The following EPHB3 variants were observed in gnomAD, a reference collection of about 807,000 sequenced individuals.
EPHB3 encodes EPH receptor B3, also known as ephrin type-B receptor 3.
Under a neutral mutation model 100.2 loss-of-function variants are expected in EPHB3, and 33 were observed. The ratio of observed to expected loss-of-function variants is 0.33; its 90% confidence interval spans 0.25 to 0.44. The LOEUF is 0.44. Ranked by LOEUF, EPHB3 falls within the 20% of genes least tolerant of loss-of-function variation. The pLI is 1.00. For missense variants in EPHB3, 1,045 were observed against 1,378.3 expected, an observed-to-expected ratio of 0.76 and a Z score of 3.83; for synonymous variants, 526 against 554.7, an observed-to-expected ratio of 0.95 and a Z score of 0.73.
At position 184,565,376 on chromosome 3, in the gene EPHB3, G is replaced by C. The variant is rs1179630461; in HGVS notation, c.118+3023G>C. 6.6e-6 allele frequency among the ~76,000 whole-genome samples: 1 copy of C among 152,216 alleles called. No individual in the cohort carries two copies. ...AGGGGGTGGGGTCCAATGGGGAACA[G>C]ACTAGGAATGGGGCCTGAGATGAGG... On this transcript the variant is annotated intron_variant, in intron 1 of 15. Transcript: ENST00000330394. The surrounding 1 kb of genome is among the most constrained non-coding windows in gnomAD (Gnocchi z 4.8).
In EPHB3 at chr3:184,562,258, C is replaced by T. The variant is rs1400881855; in HGVS notation, c.23C>T (p.Pro8Leu). The T allele has an allele frequency of 7.1e-6, 8 of 1,127,318 alleles. No individual in the cohort carries two copies. The highest frequency in any genetic ancestry group is 3.3e-5 in the African/African-American group (2 of 60,778). 69.8% of individuals were successfully genotyped at this position (1,127,318 alleles called of 1,614,324 possible). The change falls in exon 1 of 16, where the codon CCG becomes CTG. Residue 8 changes from proline (P) to leucine (L), a missense_variant. Pro to Leu is a moderately conservative substitution (Grantham distance 98). Transcript: ENST00000330394. The surrounding 1 kb of genome is among the most constrained non-coding windows in gnomAD (Gnocchi z 4.8). MARARPP[P>L]PPSPPPGLLP... ...GCCATGGCCAGAGCCCGCCCGCCGCCGCCGCCGTCGCCGCCGCCGGGGCTT... is the reference window on the plus strand; with the variant it reads ...GCCATGGCCAGAGCCCGCCCGCCGCTGCCGCCGTCGCCGCCGCCGGGGCTT...
Position 184,573,363 on chromosome 3 carries a change from G to A in EPHB3, c.856+187G>A, listed in dbSNP as rs1166670046. On this transcript the variant is annotated intron_variant, in intron 3 of 15. Coordinates refer to ENST00000330394, the MANE Select transcript of EPHB3 (RefSeq NM_004443.4). The surrounding 1 kb of genome is among the most constrained non-coding windows in gnomAD (Gnocchi z 4.5). ...GTTGTGTAAGGAGGGAGAAGAGAGAGAAAATGAGGAGAGACACAAGGATAG... is the reference window on the plus strand; with the variant it reads ...GTTGTGTAAGGAGGGAGAAGAGAGAAAAAATGAGGAGAGACACAAGGATAG... 6.6e-6 allele frequency among the ~76,000 whole-genome samples: 1 copy of A among 152,136 alleles called. No homozygotes were observed. Among genetic ancestry groups the A allele is most frequent in the Non-Finnish European group, 1.5e-5 (1 of 68,026 alleles).
chr3:184,578,079 C>A lies in EPHB3; in HGVS notation c.1748+73C>A. The A allele has an allele frequency of 6.6e-7, 1 of 1,504,476 alleles. No individual in the cohort carries two copies. The highest frequency in any genetic ancestry group is 9.1e-7 in the Non-Finnish European group (1 of 1,103,698). 93.2% of individuals were successfully genotyped at this position (1,504,476 alleles called of 1,614,324 possible). ...TTAGCATCCTAGAGCCCTCATGCCACAGAGATGAGCCGCCACCACTTCCCT... is the reference window on the plus strand; with the variant it reads ...TTAGCATCCTAGAGCCCTCATGCCAAAGAGATGAGCCGCCACCACTTCCCT... On this transcript the variant is annotated intron_variant, in intron 8 of 15. Transcript: ENST00000330394. This position sits in a 1 kb window ranked among gnomAD's most constrained non-coding sequence, Gnocchi z 4.7.
At position 184,576,900 on chromosome 3, in the gene EPHB3, C is replaced by T. The variant is rs752450110; in HGVS notation, c.1071C>T (p.Leu357=). 43 of 1,582,600 alleles carry T rather than the reference C, an allele frequency of 2.7e-5. No homozygotes were observed. The South Asian group carries it at 4.0e-4, about 15-fold the overall frequency. The change falls in exon 5 of 16, where the codon CTC becomes CTT. Residue 357 remains leucine (L), a synonymous_variant. Transcript: ENST00000330394. ...ISNVNETSLI[L]EWSEPRDLGG... ...ATGTGAATGAAACCTCACTGATCCTCGAGTGGAGTGAGCCCCGGGACCTGG... is the reference window on the plus strand; with the variant it reads ...ATGTGAATGAAACCTCACTGATCCTTGAGTGGAGTGAGCCCCGGGACCTGG...
intron 3 of EPHB3, 54 bp from the exon 4 acceptor site, chr3:184,575,776 C>T (rs7640497): frequency 0.31 from 469,982 of 1,518,896 alleles, 76,117 homozygotes; most frequent in African/African-American, 0.51. Context: ...CTGCGGAGGT[C>T]TGGTGTCTGC....
chr3:184,579,514 C>T lies in EPHB3; in HGVS notation c.1839C>T (p.Thr613=). ...TGAAGGTTTATATTGACCCTTTTAC[C>T]TACGAGGACCCTAATGAGGCTGTTC... is the stretch of plus-strand genomic sequence containing the variant. ...PGMKVYIDPF[T]YEDPNEAVRE... The change falls in exon 10 of 16, where the codon ACC becomes ACT. Residue 613 remains threonine (T), a synonymous_variant. Transcript: ENST00000330394. This position sits in a 1 kb window ranked among gnomAD's most constrained non-coding sequence, Gnocchi z 5.2. 2 of 1,614,028 alleles carry T rather than the reference C, an allele frequency of 1.2e-6. No homozygotes were observed. The highest frequency in any genetic ancestry group is 8.5e-7 in the Non-Finnish European group (1 of 1,179,988).
Position 184,575,952 on chromosome 3 carries a change from G to A in EPHB3, c.979G>A (p.Ala327Thr). Reference sequence around the variant, plus strand: ...CACCTGCCACAATAACTTCTACCGTGCAGACTCGGACTCTGCGGACAGTGC... The same window carrying A: ...CACCTGCCACAATAACTTCTACCGTACAGACTCGGACTCTGCGGACAGTGC... ...ICTCHNNFYR[A>T]DSDSADSACT... Residue 327 changes from alanine (A) to threonine (T), a missense_variant, in exon 4 of 16, where the codon GCA becomes ACA. By Grantham distance (58) the Ala-to-Thr change is moderately conservative. Around this residue, in one of 2 missense-constraint regions of EPHB3, gnomAD observed 985 missense variants for 1,331.1 expected, o/e 0.74. Transcript: ENST00000330394. The A allele has an allele frequency of 6.2e-7, 1 of 1,613,658 alleles. No homozygotes were observed. Among genetic ancestry groups the A allele is most frequent in the South Asian group, 1.1e-5 (1 of 91,024 alleles).
chr3:184,573,168 A>G lies in EPHB3; in HGVS notation c.848A>G (p.Gln283Arg). The stretch of plus-strand genomic sequence containing the variant: ...CATGAGCCAGCTGCCAAGGAGTCCC[A>G]GTGCCGCCGTGAGTGGGGACTGTCC... ...TGHEPAAKES[Q>R]CRPCPPGSYK... Residue 283 changes from glutamine to arginine, a missense_variant, in exon 3 of 16, where the codon CAG becomes CGG. Around this residue, in one of 2 missense-constraint regions of EPHB3, gnomAD observed 985 missense variants for 1,331.1 expected, o/e 0.74. Coordinates refer to ENST00000330394, the MANE Select transcript of EPHB3 (RefSeq NM_004443.4). This position sits in a 1 kb window ranked among gnomAD's most constrained non-coding sequence, Gnocchi z 4.5. The G allele has an allele frequency of 1.9e-6, 3 of 1,611,950 alleles. No individual in the cohort carries two copies. The highest frequency in any genetic ancestry group is 2.5e-6 in the Non-Finnish European group (3 of 1,180,002).
In EPHB3 at chr3:184,564,530, T is replaced by A. The variant is rs1300087555; in HGVS notation, c.118+2177T>A. ...GCAAAGTGCTTAGCATAGGCATTGT[T>A]ATTCAAGGATTAGCTGTTATTATTA... On this transcript the variant is annotated intron_variant, in intron 1 of 15. Transcript: ENST00000330394. Among the ~76,000 whole-genome samples, 14 of 152,228 alleles carry A rather than the reference T, an allele frequency of 9.2e-5. 1 individual carries two copies. The highest frequency in any genetic ancestry group is 8.5e-4 in the Admixed American group (13 of 15,286).
chr3:184,573,156 C>T lies in EPHB3; in HGVS notation c.836C>T (p.Ala279Val). ...TGTGCCACCGGCCATGAGCCAGCTG[C>T]CAAGGAGTCCCAGTGCCGCCGTGAG... ...CTCATGHEPA[A>V]KESQCRPCPP... The change falls in exon 3 of 16, where the codon GCC (alanine) becomes GTC (valine). Residue 279 changes from alanine to valine, a missense_variant. By Grantham distance (64) the Ala-to-Val change is moderately conservative. Transcript: ENST00000330394. The surrounding 1 kb of genome is among the most constrained non-coding windows in gnomAD (Gnocchi z 4.5). The T allele has an allele frequency of 6.2e-7, 1 of 1,612,348 alleles. No homozygotes were observed. The highest frequency in any genetic ancestry group is 8.5e-7 in the Non-Finnish European group (1 of 1,180,018).
chr3:184,566,731 C>T (rs1053236973), intron 1 of EPHB3, among the ~76,000 whole-genome samples: 1 of 152,262 alleles, frequency 6.6e-6, no homozygotes, highest in African/African-American at 2.4e-5. Context: ...TGCCCCGCTG[C>T]ACACTCTGCG....
In EPHB3 at chr3:184,562,362, C is replaced by G; in HGVS notation, c.118+9C>G. 1 of 1,220,674 alleles carries G rather than the reference C, an allele frequency of 8.2e-7. No homozygotes were observed. The highest frequency in any genetic ancestry group is 1.0e-6 in the Non-Finnish European group (1 of 982,286). The allele number at this position is 1,220,674 out of a possible 1,614,324, so 75.6% of individuals were successfully genotyped here. A position where few individuals can be genotyped will look rare whatever the true frequency, so the allele number is the denominator to read the frequency against. ...CTGCCGGGCGCTGGAAGGTGAGCGG[C>G]GTCGGGGGGCGCGCCCGGGAACAAG... is the stretch of plus-strand genomic sequence containing the variant. On this transcript the variant is annotated intron_variant, in intron 1 of 15. Transcript: ENST00000330394. The surrounding 1 kb of genome is among the most constrained non-coding windows in gnomAD (Gnocchi z 4.8).
rs964094229 is a variant in EPHB3, at chr3:184,580,793, C to T, written c.2453C>T (p.Ala818Val). The change falls in exon 13 of 16, where the codon GCT (alanine) becomes GTT (valine). Residue 818 changes from alanine to valine, a missense_variant. Around this residue, in one of 2 missense-constraint regions of EPHB3, gnomAD observed 985 missense variants for 1,331.1 expected, o/e 0.74. Transcript: ENST00000330394. ...EAIAYRKFTS[A>V]SDVWSYGIVM... ...ATAGCCTATCGGAAGTTCACTTCTG[C>T]TAGTGATGTCTGGAGCTACGGAATT... 4 of 1,614,070 alleles carry T rather than the reference C, an allele frequency of 2.5e-6. No individual in the cohort carries two copies. The highest frequency in any genetic ancestry group is 2.2e-5 in the East Asian group (1 of 44,892).
At chr3:184,576,314 A>G (rs1714676211) in intron 4 of EPHB3, among the ~76,000 whole-genome samples, 1 of 151,470 alleles carries the variant, frequency 6.6e-6, no homozygotes, top group Non-Finnish European at 1.5e-5. Context: ...TTGGCCTTCT[A>G]GTCCGTTGCC....
At position 184,562,199 on chromosome 3, in the gene EPHB3, G is replaced by A; in HGVS notation, c.-37G>A. ...CAGCCCCGCCGGCGCGGCCCGGCCC[G>A]GCGCGGCCCGGCTCGGCTCCTAGAG... On this transcript the variant is annotated 5_prime_UTR_variant, in exon 1 of 16. Coordinates refer to ENST00000330394, the MANE Select transcript of EPHB3 (RefSeq NM_004443.4). This position sits in a 1 kb window ranked among gnomAD's most constrained non-coding sequence, Gnocchi z 4.8. 1 of 513,272 alleles carries A rather than the reference G, an allele frequency of 1.9e-6. No homozygotes were observed. The highest frequency in any genetic ancestry group is 2.6e-6 in the Non-Finnish European group (1 of 385,596). The allele number at this position is 513,272 out of a possible 1,614,324, so 31.8% of individuals were successfully genotyped here.
Position 184,569,179 on chromosome 3 carries a change from G to C in EPHB3, c.119-2139G>C, listed in dbSNP as rs1714474960. ...GAGGGAGCGGCTGGAGCCCCGGCCT[G>C]CTCCGGCGGGCGGACCGGCGGGCGG... On this transcript the variant is annotated intron_variant, in intron 1 of 15. Coordinates refer to ENST00000330394, the MANE Select transcript of EPHB3 (RefSeq NM_004443.4). This position sits in a 1 kb window ranked among gnomAD's most constrained non-coding sequence, Gnocchi z 5.4. Among the ~76,000 whole-genome samples the C allele has an allele frequency of 6.6e-6, 1 of 152,138 alleles. No individual in the cohort carries two copies. Among genetic ancestry groups the C allele is most frequent in the African/African-American group, 2.4e-5 (1 of 41,442 alleles).
rs558140041 is a variant in EPHB3 at position 184,577,906 on chromosome 3, G to A, written c.1648G>A (p.Ala550Thr). ...CCCTTCTCTATCTCCAGGCTCTGGG[G>A]CCCAGCAGCTCCAGGAGCAGCTTCC... is the stretch of plus-strand genomic sequence containing the variant. ...FETTSERGSG[A>T]QQLQEQLPLI... Residue 550 changes from alanine to threonine, a missense_variant, in exon 8 of 16, where the codon GCC becomes ACC. Ala to Thr is a moderately conservative substitution (Grantham distance 58). Around this residue, in one of 2 missense-constraint regions of EPHB3, gnomAD observed 985 missense variants for 1,331.1 expected, o/e 0.74. Transcript: ENST00000330394. This position sits in a 1 kb window ranked among gnomAD's most constrained non-coding sequence, Gnocchi z 4.9. The A allele has an allele frequency of 8.7e-6, 14 of 1,613,686 alleles. No homozygotes were observed. In the South Asian group the frequency reaches 1.5e-4, roughly 18 times the overall value.
rs181166948 is a variant in EPHB3, at chr3:184,573,638, C to A, written c.856+462C>A. Among the ~76,000 whole-genome samples the A allele has an allele frequency of 1.7e-3, 254 of 152,052 alleles. No individual in the cohort carries two copies. The highest frequency in any genetic ancestry group is 3.1e-3 in the South Asian group (15 of 4,816). On this transcript the variant is annotated intron_variant, in intron 3 of 15. Coordinates refer to ENST00000330394, the MANE Select transcript of EPHB3 (RefSeq NM_004443.4). This position sits in a 1 kb window ranked among gnomAD's most constrained non-coding sequence, Gnocchi z 4.5. ...CCCTTGGGAGGCAGTATATAAATGG[C>A]ACAGTGGTTAGGGGCCCAGTCCCTG...
chr3:184,579,875 C>T lies in EPHB3; in HGVS notation c.2113C>T (p.Arg705Trp), dbSNP rs773303627. Residue 705 changes from arginine (R) to tryptophan (W), a missense_variant, in exon 11 of 16, where the codon CGG becomes TGG. Physicochemically the swap from Arg to Trp is moderately radical, Grantham distance 101 (BLOSUM62 -3). Around this residue, in one of 2 missense-constraint regions of EPHB3, gnomAD observed 985 missense variants for 1,331.1 expected, o/e 0.74. Transcript: ENST00000330394. This position sits in a 1 kb window ranked among gnomAD's most constrained non-coding sequence, Gnocchi z 5.2. ...IRLEGVVTKS[R>W]PVMILTEFME... Reference sequence around the variant, plus strand: ...GCTCGAGGGCGTGGTCACCAAAAGTCGGCCAGTTATGATCCTCACTGAGTT... The same window carrying T: ...GCTCGAGGGCGTGGTCACCAAAAGTTGGCCAGTTATGATCCTCACTGAGTT... 8.1e-6 allele frequency: 13 copies of T among 1,613,780 alleles called. No homozygotes were observed. The highest frequency in any genetic ancestry group is 4.4e-5 in the South Asian group (4 of 91,068).
Sources: gnomAD v4.1 joint callset for allele counts (sites outside exome capture counted in the v4.1 genomes callset) on GRCh38, gnomAD v4.1.1 for gene constraint, gnomAD v4.1.1 regional missense constraint, Gnocchi (gnomAD v3.1) non-coding constraint, MANE v1.5 for transcripts, NCBI Gene and HGNC (gene_info 2026-07-23, HGNC 2026-07-21) for gene names.